The following CEP120 variants were observed in gnomAD, a reference collection of about 807,000 sequenced individuals.
CEP120 encodes centrosomal protein 120.
CEP120 carries 113 observed loss-of-function variants against 126.5 expected under a neutral mutation model. That is an observed-to-expected ratio of 0.89 (90% CI 0.77 to 1.04). CEP120 has a LOEUF of 1.04. Ranked by LOEUF, CEP120 falls within the 50% of genes least tolerant of loss-of-function variation. The probability of loss-of-function intolerance (pLI) is 0.00; values close to 1 mark genes in which losing one functional copy is unlikely to be tolerated. For missense variants in CEP120, 1,230 were observed against 1,155.7 expected (o/e 1.06, Z -0.93); for synonymous variants, 400 against 394.3 (o/e 1.01, Z -0.17).
At chr5:123,360,525 TAAGTTTCAGAATTGAACCAGTAATTTA>T (rs1004109718) in intron 18 of CEP120, among the ~76,000 whole-genome samples, 1 of 151,928 alleles carries the variant, frequency 6.6e-6, no homozygotes, top group Non-Finnish European at 1.5e-5. Context: ...TCATGGAGTA[TAAGTTTCAGAATTGAACCAGTAATTTA>T]AAACTTTTTT....
chr5:123,402,623 G>C (rs1040308844), intron 4 of CEP120, among the ~76,000 whole-genome samples: 5 of 152,132 alleles, frequency 3.3e-5, no homozygotes, highest in African/African-American at 9.7e-5. Flanking sequence ...ATGTTGGCCA[G>C]GCCAGTCTCA....
chr5:123,416,215 A>G, intron 2 of CEP120, 91 bp from the exon 3 acceptor site: 1 of 739,696 alleles, frequency 1.4e-6, no homozygotes, highest in Non-Finnish European at 2.3e-6. Context: ...AGATACTTAT[A>G]ATTTTGTTGG....
rs1199697779 is a variant in CEP120, at chr5:123,390,086, T to C, written c.1093A>G (p.Lys365Glu). 2 of 1,614,134 alleles carry C rather than the reference T, an allele frequency of 1.2e-6. No individual in the cohort carries two copies. Among genetic ancestry groups the C allele is most frequent in the Non-Finnish European group, 8.5e-7 (1 of 1,179,996 alleles). Residue 365 changes from lysine (K) to glutamate (E), a missense_variant, in exon 8 of 20, where the codon AAA becomes GAA. Physicochemically the swap from Lys to Glu is moderately conservative, Grantham distance 56. Coordinates refer to ENST00000306467, the MANE Select transcript of CEP120 (RefSeq NM_001375405.1). ...NEHEPEHSKKKVLTPIKEKTL... is the reference protein window; with the variant it reads ...NEHEPEHSKKEVLTPIKEKTL... ...TTCTCCTTTATGGGGGTTAAAACTT[T>C]CTTCTTTGAATGCTCTGGCTCATGT...
chr5:123,393,456 C>T lies in CEP120; in HGVS notation c.654G>A (p.Glu218=). 1 of 1,614,120 alleles carries T rather than the reference C, an allele frequency of 6.2e-7. No homozygotes were observed. The highest frequency in any genetic ancestry group is 8.5e-7 in the Non-Finnish European group (1 of 1,180,000). Residue 218 remains glutamate, a synonymous_variant, in exon 6 of 20, where the codon GAG becomes GAA. Coordinates refer to ENST00000306467, the MANE Select transcript of CEP120 (RefSeq NM_001375405.1). ...CTMKLPERQP[E]FFFYYSLLGN... ...CCAGTAAAGAGTAGTAAAAGAAAAA[C>T]TCAGGCTGTCTTTCTGGAAGTTTCA...
chr5:123,364,706 A>C (rs946863927), intron 17 of CEP120, 112 bp from the exon 18 acceptor site: 6 of 438,482 alleles, frequency 1.4e-5, no homozygotes, highest in Non-Finnish European at 2.0e-5. Flanking sequence ...ACAGTGTAAC[A>C]TACGACATCA....
chr5:123,354,177 C>T (rs537022090), intron 18 of CEP120, among the ~76,000 whole-genome samples: 2 of 152,014 alleles, frequency 1.3e-5, no homozygotes, highest in African/African-American at 2.4e-5. Flanking sequence ...CCATGGGTTA[C>T]GAGAAGTATA....
intron 5 of CEP120, 61 bp from the exon 6 acceptor site, chr5:123,393,558 G>T: frequency 7.4e-7 from 1 of 1,349,016 alleles, no homozygotes; most frequent in African/African-American, 1.4e-5. Flanking sequence ...CATGCTTAGT[G>T]TATCTATTAC....
chr5:123,410,631 C>A (rs533855780), intron 4 of CEP120, among the ~76,000 whole-genome samples: 20 of 152,324 alleles, frequency 1.3e-4, no homozygotes, highest in African/African-American at 3.8e-4. Context: ...TGGACATCTA[C>A]ATGCAAAAAG....
At chr5:123,347,410 T>C (rs1768902403) in intron 19 of CEP120, among the ~76,000 whole-genome samples, 1 of 152,200 alleles carries the variant, frequency 6.6e-6, no homozygotes, top group Non-Finnish European at 1.5e-5. Flanking sequence ...AAAAATTCCC[T>C]ACTATTATGG....
At chr5:123,359,377 AAGT>A (rs1769898245) in intron 18 of CEP120, among the ~76,000 whole-genome samples, 1 of 152,080 alleles carries the variant, frequency 6.6e-6, no homozygotes, top group Non-Finnish European at 1.5e-5. Flanking sequence ...ATTTTTTAAA[AAGT>A]AGGTTTTATT....
intron 4 of CEP120, among the ~76,000 whole-genome samples, chr5:123,411,709 G>A (rs1390640103): frequency 2.0e-5 from 3 of 152,148 alleles, no homozygotes; most frequent in Admixed American, 1.3e-4. Flanking sequence ...TGAATAGGTG[G>A]AGCACAGATG....
At chr5:123,350,454 CT>C (rs1208619059) in intron 18 of CEP120, among the ~76,000 whole-genome samples, 2 of 152,200 alleles carry the variant, frequency 1.3e-5, no homozygotes, top group East Asian at 3.9e-4. Flanking sequence ...ACTCTATTCT[CT>C]TTTACTATAA....
At chr5:123,366,512 T>G (rs2127006586) in intron 17 of CEP120, among the ~76,000 whole-genome samples, 2 of 151,994 alleles carry the variant, frequency 1.3e-5, no homozygotes, top group Middle Eastern at 3.4e-3. Flanking sequence ...ACACCTACAA[T>G]TCTAGTTCTT....
chr5:123,386,462 A>C, intron 10 of CEP120, 56 bp downstream of exon 10: 1 of 1,228,114 alleles, frequency 8.1e-7, no homozygotes, highest in Non-Finnish European at 1.1e-6. Flanking sequence ...ATAAAATACA[A>C]ATTTTCAAGA....
chr5:123,357,664 A>T, intron 18 of CEP120, among the ~76,000 whole-genome samples: 1 of 152,146 alleles, frequency 6.6e-6, no homozygotes, highest in East Asian at 1.9e-4. Flanking sequence ...TGGGAGGCTG[A>T]GGTGGATGAC....
At chr5:123,411,135 T>C (rs1051550255) in intron 4 of CEP120, among the ~76,000 whole-genome samples, 15 of 152,156 alleles carry the variant, frequency 9.9e-5, no homozygotes, top group African/African-American at 1.4e-4. Context: ...TGAGATACTA[T>C]GATATACCTA....
At chr5:123,402,005 C>T in intron 4 of CEP120, 4 of 1,607,406 alleles carry the variant, frequency 2.5e-6, no homozygotes, top group East Asian at 2.2e-5. Flanking sequence ...TGTTCTGCTG[C>T]TCCAGGAACC....
chr5:123,379,339 T>C (rs1464180826), intron 14 of CEP120, among the ~76,000 whole-genome samples: 1 of 152,122 alleles, frequency 6.6e-6, no homozygotes, highest in Non-Finnish European at 1.5e-5. Context: ...TCCTGGACTT[T>C]AGTTTCACAT....
intron 4 of CEP120, among the ~76,000 whole-genome samples, chr5:123,408,386 A>T (rs1281853204): frequency 6.7e-6 from 1 of 149,788 alleles, no homozygotes; most frequent in Admixed American, 6.7e-5. Context: ...CTCAATAAGA[A>T]AAAAAAAAAA....
Sources: gnomAD v4.1 joint callset for allele counts (sites outside exome capture counted in the v4.1 genomes callset) on GRCh38, gnomAD v4.1.1 for gene constraint, MANE v1.5 for transcripts, NCBI Gene and HGNC (gene_info 2026-07-23, HGNC 2026-07-21) for gene names.